The following GTSE1 variants were observed in gnomAD, a reference collection of about 807,000 sequenced individuals.
GTSE1 encodes the protein G2 and S-phase expressed 1.
GTSE1 carries 52 observed loss-of-function variants against 60.5 expected under a neutral mutation model. The ratio of observed to expected loss-of-function variants is 0.86; its 90% CI spans 0.69 to 1.08. The LOEUF is 1.08. GTSE1 is among the 50% of genes least tolerant of loss of function. The pLI, the probability that GTSE1 is intolerant of heterozygous loss-of-function variation, is 0.00. For missense variants in GTSE1, 937 were observed against 961.8 expected (o/e 0.97, Z 0.34); for synonymous variants, 368 against 386.5 (o/e 0.95, Z 0.56).
chr22:46,329,701 G>T lies in GTSE1; in HGVS notation c.2136+134G>T. ...CTTCTCAGCTACACACCTCAGGGCA[G>T]GATGCACCTTTGGCAGCCTGAGCTT... On this transcript the variant is annotated intron_variant, in intron 11 of 11. Coordinates refer to ENST00000454366, the MANE Select transcript of GTSE1 (RefSeq NM_016426.7). The surrounding 1 kb of genome is among the most constrained non-coding windows in gnomAD (Gnocchi z 6.4). 1 of 724,938 alleles carries T rather than the reference G, an allele frequency of 1.4e-6. No individual in the cohort carries two copies. Among genetic ancestry groups the T allele is most frequent in the Non-Finnish European group, 2.4e-6 (1 of 410,744 alleles). 44.9% of individuals were successfully genotyped at this position (724,938 alleles called of 1,614,324 possible).
Position 46,329,266 on chromosome 22 carries a change from G to T in GTSE1, c.1927-92G>T, listed in dbSNP as rs1569049402. ...GATTCCTTGGCTTTCCAAACCGCCA[G>T]CCCACCTGGAACATGAGCAAAGCTC... On this transcript the variant is annotated intron_variant, in intron 10 of 11. Coordinates refer to ENST00000454366, the MANE Select transcript of GTSE1 (RefSeq NM_016426.7). The surrounding 1 kb of genome is among the most constrained non-coding windows in gnomAD (Gnocchi z 6.4). 5 of 1,091,220 alleles carry T rather than the reference G, an allele frequency of 4.6e-6. No individual in the cohort carries two copies. In the South Asian group the frequency reaches 6.2e-5, roughly 14 times the overall value. 67.6% of individuals were successfully genotyped at this position (1,091,220 alleles called of 1,614,324 possible). A position where few individuals can be genotyped will look rare whatever the true frequency, so the allele number is the denominator to read the frequency against.
chr22:46,318,851 C>T lies in GTSE1; in HGVS notation c.1432+2439C>T, dbSNP rs79334853. Among the ~76,000 whole-genome samples, 15,643 of 152,190 alleles carry T rather than the reference C, an allele frequency of 0.1. 1,884 individuals carry two copies. The highest frequency in any genetic ancestry group is 0.29 in the African/African-American group (12,152 of 41,474). On this transcript the variant is annotated intron_variant, in intron 7 of 11. Transcript: ENST00000454366. The surrounding 1 kb of genome is among the most constrained non-coding windows in gnomAD (Gnocchi z 4.8). The stretch of plus-strand genomic sequence containing the variant: ...GGACCCAGGCTTACTCCATCCTGTG[C>T]TGCCGTGATGAGCTTCTCATCCTCA...
Position 46,320,189 on chromosome 22 carries a change from C to T in GTSE1, c.1433-3001C>T, listed in dbSNP as rs184640349. ...AAGTGTTGGCTGGTCTCCTGGCTGT[C>T]GGGCTGCTTGATGCCACAGGACTTC... On this transcript the variant is annotated intron_variant, in intron 7 of 11. Transcript: ENST00000454366. This position sits in a 1 kb window ranked among gnomAD's most constrained non-coding sequence, Gnocchi z 7.1. Among the ~76,000 whole-genome samples, 127 of 152,200 alleles carry T rather than the reference C, an allele frequency of 8.3e-4. No homozygotes were observed. Among genetic ancestry groups the T allele is most frequent in the Non-Finnish European group, 1.5e-3 (104 of 68,016 alleles).
intron 9 of GTSE1, among the ~76,000 whole-genome samples, chr22:46,328,063 C>G (rs1470714773): frequency 6.6e-6 from 1 of 152,218 alleles, no homozygotes; most frequent in Non-Finnish European, 1.5e-5. Flanking sequence ...AAAGAAGGTA[C>G]TGTGTGTTAG....
rs183474023 is a variant in GTSE1, at chr22:46,318,896, C to T, written c.1432+2484C>T. Among the ~76,000 whole-genome samples, 4 of 152,070 alleles carry T rather than the reference C, an allele frequency of 2.6e-5. No individual in the cohort carries two copies. The highest frequency in any genetic ancestry group is 1.9e-4 in the East Asian group (1 of 5,174). On this transcript the variant is annotated intron_variant, in intron 7 of 11. Transcript: ENST00000454366. The surrounding 1 kb of genome is among the most constrained non-coding windows in gnomAD (Gnocchi z 4.8). ...TCCTCATGGTCTAGTGTGGCTGCAC[C>T]GGCTCTGGCCCTCATACCTCCCGGC...
rs925882077 is a variant in GTSE1 at position 46,304,052 on chromosome 22, G to A, written c.80-4098G>A. Reference sequence around the variant, plus strand: ...ACAGTGTCTCTTGCTCTATTGCCCAGGATGGAGTGCAGTGGCTTGATCATA... The same window carrying A: ...ACAGTGTCTCTTGCTCTATTGCCCAAGATGGAGTGCAGTGGCTTGATCATA... On this transcript the variant is annotated intron_variant, in intron 2 of 11. Transcript: ENST00000454366. The surrounding 1 kb of genome is among the most constrained non-coding windows in gnomAD (Gnocchi z 4.4). Among the ~76,000 whole-genome samples the A allele has an allele frequency of 8.5e-5, 13 of 152,288 alleles. 1 individual carries two copies. In the South Asian group the frequency reaches 2.7e-3, roughly 32 times the overall value.
rs1353131555 is a variant in GTSE1, at chr22:46,318,045, C to T, written c.1432+1633C>T. Among the ~76,000 whole-genome samples the T allele has an allele frequency of 6.6e-6, 1 of 152,266 alleles. No homozygotes were observed. Among genetic ancestry groups the T allele is most frequent in the Non-Finnish European group, 1.5e-5 (1 of 68,048 alleles). ...GGAGTAGCCCCCTCCTCTCTAGTTT[C>T]TGGCCCTCAGATTGCAGCCACCTCA... On this transcript the variant is annotated intron_variant, in intron 7 of 11. Coordinates refer to ENST00000454366, the MANE Select transcript of GTSE1 (RefSeq NM_016426.7). The surrounding 1 kb of genome is among the most constrained non-coding windows in gnomAD (Gnocchi z 4.8).
chr22:46,306,032 T>C (rs916758497), intron 2 of GTSE1, among the ~76,000 whole-genome samples: 6 of 151,950 alleles, frequency 3.9e-5, no homozygotes, highest in Non-Finnish European at 7.4e-5. Context: ...CTCTGTGTGG[T>C]TATTTCTCTT....
At chr22:46,326,232 C>G (rs578020919) in intron 8 of GTSE1, among the ~76,000 whole-genome samples, 1 of 152,364 alleles carries the variant, frequency 6.6e-6, no homozygotes, top group South Asian at 2.1e-4. Flanking sequence ...AGCCCGAAGC[C>G]CACGCCAGGA....
rs2147834603 is a variant in GTSE1 at position 46,327,816 on chromosome 22, A to G, written c.1725-872A>G. Among the ~76,000 whole-genome samples, 3 of 152,372 alleles carry G rather than the reference A, an allele frequency of 2.0e-5. No individual in the cohort carries two copies. The South Asian group carries it at 6.2e-4, about 32-fold the overall frequency. ...ACACTGTGTGTATCTATGTAGTTCT[A>G]TGATAATGCAGAAGACTCTGGAAGA... On this transcript the variant is annotated intron_variant, in intron 9 of 11. Coordinates refer to ENST00000454366, the MANE Select transcript of GTSE1 (RefSeq NM_016426.7).
rs545175680 is a variant in GTSE1 at position 46,304,439 on chromosome 22, A to G, written c.80-3711A>G. ...TGGGTTGAGATGGGGATTTCCTTAT[A>G]TATCTATTACTTTTTATTAAGAGCC... On this transcript the variant is annotated intron_variant, in intron 2 of 11. Coordinates refer to ENST00000454366, the MANE Select transcript of GTSE1 (RefSeq NM_016426.7). This position sits in a 1 kb window ranked among gnomAD's most constrained non-coding sequence, Gnocchi z 4.4. Among the ~76,000 whole-genome samples the G allele has an allele frequency of 6.6e-6, 1 of 152,292 alleles. No individual in the cohort carries two copies. Among genetic ancestry groups the G allele is most frequent in the Non-Finnish European group, 1.5e-5 (1 of 68,020 alleles).
chr22:46,325,143 C>T (rs1019387219), intron 8 of GTSE1, among the ~76,000 whole-genome samples: 11 of 152,148 alleles, frequency 7.2e-5, no homozygotes, highest in South Asian at 2.1e-4. Context: ...TCACAGCTGC[C>T]GCCTTCTCTG....
At chr22:46,298,183 G>C (rs186309039) in intron 2 of GTSE1, among the ~76,000 whole-genome samples, 1 of 146,384 alleles carries the variant, frequency 6.8e-6, no homozygotes, top group South Asian at 2.2e-4. Flanking sequence ...GGCTGGTCTC[G>C]AACTCCTGAG....
intron 7 of GTSE1, 111 bp from the exon 8 acceptor site, chr22:46,323,079 A>AG (rs1857295325): frequency 2.5e-6 from 2 of 786,102 alleles, no homozygotes; most frequent in Admixed American, 3.5e-5. Context: ...CCTACACTCA[A>AG]GTTGGGACAG....
rs569906153 is a variant in GTSE1, at chr22:46,315,932, T to C, written c.1052-100T>C. On this transcript the variant is annotated intron_variant, in intron 6 of 11. Coordinates refer to ENST00000454366, the MANE Select transcript of GTSE1 (RefSeq NM_016426.7). ...TATAGAATATTGTTAATGTGTCTTA[T>C]GTTTAAGGTAGATATGCTAAAGACA... The C allele has an allele frequency of 1.8e-5, 16 of 909,044 alleles. No homozygotes were observed. The East Asian group carries it at 2.0e-4, about 12-fold the overall frequency. 56.3% of individuals were successfully genotyped at this position (909,044 alleles called of 1,614,324 possible).
At chr22:46,315,866 G>A (rs903300163) in intron 6 of GTSE1, among the ~76,000 whole-genome samples, 166 bp from the exon 7 acceptor site, 2 of 152,214 alleles carry the variant, frequency 1.3e-5, no homozygotes, top group African/African-American at 2.4e-5. Context: ...GCTAAAAGCT[G>A]CCTGAGCCAT....
rs1403961726 is a variant in GTSE1, at chr22:46,297,579, A to G, written c.79+100A>G. ...TGAGAAATTCTTTCTCAAGTGCTCG[A>G]CTTGTACTCTGCACCTGTGAAACAC... On this transcript the variant is annotated intron_variant, in intron 2 of 11. Coordinates refer to ENST00000454366, the MANE Select transcript of GTSE1 (RefSeq NM_016426.7). This position sits in a 1 kb window ranked among gnomAD's most constrained non-coding sequence, Gnocchi z 4.9. 1.1e-5 allele frequency: 9 copies of G among 822,196 alleles called. No homozygotes were observed. The highest frequency in any genetic ancestry group is 1.2e-5 in the Non-Finnish European group (6 of 492,582). 50.9% of individuals were successfully genotyped at this position (822,196 alleles called of 1,614,324 possible).
rs541889235 is a variant in GTSE1, at chr22:46,320,193, C to T, written c.1433-2997C>T. On this transcript the variant is annotated intron_variant, in intron 7 of 11. Transcript: ENST00000454366. The surrounding 1 kb of genome is among the most constrained non-coding windows in gnomAD (Gnocchi z 7.1). ...GTTGGCTGGTCTCCTGGCTGTCGGG[C>T]TGCTTGATGCCACAGGACTTCTGCT... Among the ~76,000 whole-genome samples the T allele has an allele frequency of 6.6e-6, 1 of 152,156 alleles. No individual in the cohort carries two copies. Among genetic ancestry groups the T allele is most frequent in the South Asian group, 2.1e-4 (1 of 4,828 alleles).
rs569078044 is a variant in GTSE1, at chr22:46,304,312, G to A, written c.80-3838G>A. 1.3e-5 allele frequency among the ~76,000 whole-genome samples: 2 copies of A among 152,114 alleles called. No individual in the cohort carries two copies. Among genetic ancestry groups the A allele is most frequent in the African/African-American group, 4.8e-5 (2 of 41,404 alleles). On this transcript the variant is annotated intron_variant, in intron 2 of 11. Coordinates refer to ENST00000454366, the MANE Select transcript of GTSE1 (RefSeq NM_016426.7). This position sits in a 1 kb window ranked among gnomAD's most constrained non-coding sequence, Gnocchi z 4.4. ...GCCTACCTTTGTTGTTTTAAGGGTT[G>A]TTACTTCAGCATGTTAGCCTATCCT...
Sources: allele counts gnomAD v4.1 joint callset (sites outside exome capture counted in the v4.1 genomes callset), GRCh38; gene constraint gnomAD v4.1.1; non-coding constraint Gnocchi (gnomAD v3.1); transcripts MANE v1.5; gene names NCBI Gene and HGNC (gene_info 2026-07-23, HGNC 2026-07-21).